HDGFL3: variants seen among roughly 807,000 people sequenced by gnomAD.
HDGFL3 encodes the protein hepatoma-derived growth factor-related protein 3.
In HDGFL3, 6 loss-of-function variants were observed where a neutral mutation model predicts 27.6. The ratio of observed to expected loss-of-function variants is 0.22; its 90% CI spans 0.12 to 0.43. The LOEUF (loss-of-function observed/expected upper bound fraction) is 0.43. HDGFL3 is among the 20% of genes least tolerant of loss of function. The probability of loss-of-function intolerance (pLI) is 1.00; values close to 1 mark genes in which losing one functional copy is unlikely to be tolerated. For synonymous variants in HDGFL3, 88 were observed against 88.9 expected, an observed-to-expected ratio of 0.99 and a Z score of 0.05; for missense variants, 207 against 250.1, an observed-to-expected ratio of 0.83 and a Z score of 1.16.
At chr15:83,115,201 T>TTG in exon 4 of HDGFL3, 1 of 165,718 alleles carries the variant, frequency 6.0e-6, no homozygotes, top group Non-Finnish European at 1.3e-5. Flanking sequence ...CACTGCAACC[T>TTG]CCGCCTCCTG....
At position 83,136,414 on chromosome 15, in the gene HDGFL3, G is replaced by C; in HGVS notation, c.*2856C>G. 3 of 1,420,752 alleles carry C rather than the reference G, an allele frequency of 2.1e-6. No individual in the cohort carries two copies. The highest frequency in any genetic ancestry group is 2.9e-6 in the Non-Finnish European group (3 of 1,052,044). 88.0% of individuals were successfully genotyped at this position (1,420,752 alleles called of 1,614,324 possible). A position where few individuals can be genotyped will look rare whatever the true frequency, so the allele number is the denominator to read the frequency against. Reference sequence around the variant, plus strand: ...AAACGTAGCCTGAATGAACCATTCAGAACTCATCATGCATCCAACTGAACA... The same window carrying C: ...AAACGTAGCCTGAATGAACCATTCACAACTCATCATGCATCCAACTGAACA... On this transcript the variant is annotated 3_prime_UTR_variant, in exon 6 of 6. Coordinates refer to ENST00000299633, the MANE Select transcript of HDGFL3 (RefSeq NM_016073.4).
rs184103266 is a variant in HDGFL3, at chr15:83,136,977, C to T, written c.*2293G>A. 5 of 199,792 alleles carry T rather than the reference C, an allele frequency of 2.5e-5. No individual in the cohort carries two copies. In the Admixed American group the frequency reaches 2.7e-4, roughly 11 times the overall value. The allele number at this position is 199,792 out of a possible 1,614,324, so 12.4% of individuals were successfully genotyped here. A position where few individuals can be genotyped will look rare whatever the true frequency, so the allele number is the denominator to read the frequency against. Reference sequence around the variant, plus strand: ...AGTGTAAAAAATTACAATTTAGTGCCAACAGTAGTGAGCATGAAATGAAAC... The same window carrying T: ...AGTGTAAAAAATTACAATTTAGTGCTAACAGTAGTGAGCATGAAATGAAAC... On this transcript the variant is annotated 3_prime_UTR_variant, in exon 6 of 6. Transcript: ENST00000299633.
In HDGFL3 at chr15:83,157,892, T is replaced by C. The variant is rs749293847; in HGVS notation, c.300+11A>G. 19 of 1,608,970 alleles carry C rather than the reference T, an allele frequency of 1.2e-5. No homozygotes were observed. The South Asian group carries it at 1.9e-4, about 16-fold the overall frequency. ...TGAGATATAGCAAGTGACAAGGAAG[T>C]AAACCATTACCTGGTAGCCAGTAAA... On this transcript the variant is annotated intron_variant, in intron 3 of 5. Transcript: ENST00000299633.
rs2036635818 is a variant in HDGFL3 at position 83,136,664 on chromosome 15, G to A, written c.*2606C>T. On this transcript the variant is annotated 3_prime_UTR_variant, in exon 6 of 6. Coordinates refer to ENST00000299633, the MANE Select transcript of HDGFL3 (RefSeq NM_016073.4). ...CATAAAAACAAAGGCAGAAGAAAAA[G>A]TGGAATAAAAATATTACTTCATGTT... is the stretch of plus-strand genomic sequence containing the variant. 1 of 1,592,406 alleles carries A rather than the reference G, an allele frequency of 6.3e-7. No homozygotes were observed. Among genetic ancestry groups the A allele is most frequent in the Non-Finnish European group, 8.5e-7 (1 of 1,174,360 alleles).
intron 1 of HDGFL3, among the ~76,000 whole-genome samples, chr15:83,197,653 T>A (rs1488698024): frequency 6.6e-6 from 1 of 152,196 alleles, no homozygotes; most frequent in African/African-American, 2.4e-5. Flanking sequence ...CTCCACAGTC[T>A]AGTCCCACAA....
chr15:83,195,925 T>C (rs758974929), intron 1 of HDGFL3, among the ~76,000 whole-genome samples: 8 of 152,014 alleles, frequency 5.3e-5, no homozygotes, highest in Non-Finnish European at 1.0e-4. Flanking sequence ...ACAAAACTAA[T>C]ATCCAACGAA....
intron 1 of HDGFL3, among the ~76,000 whole-genome samples, chr15:83,200,853 AT>A (rs991525600): frequency 9.5e-6 from 1 of 104,992 alleles, no homozygotes; most frequent in African/African-American, 3.8e-5. Context: ...AGATTACTTT[AT>A]TCTTTTTTTT....
At position 83,133,904 on chromosome 15, in the gene HDGFL3, A is replaced by G. The variant is rs943767827; in HGVS notation, c.*5366T>C. 2 of 152,278 alleles carry G rather than the reference A, an allele frequency of 1.3e-5. No homozygotes were observed. The highest frequency in any genetic ancestry group is 2.9e-5 in the Non-Finnish European group (2 of 68,078). The allele number at this position is 152,278 out of a possible 1,614,324, so 9.4% of individuals were successfully genotyped here. A position where few individuals can be genotyped will look rare whatever the true frequency, so the allele number is the denominator to read the frequency against. ...TCACTCAGCTGGAAGTGTGGCCACC[A>G]TAAGTACATCCATTAGGACTATGAG... On this transcript the variant is annotated 3_prime_UTR_variant, in exon 6 of 6. Coordinates refer to ENST00000299633, the MANE Select transcript of HDGFL3 (RefSeq NM_016073.4).
At chr15:83,178,686 ACTT>A (rs2037343872) in intron 1 of HDGFL3, among the ~76,000 whole-genome samples, 1 of 152,098 alleles carries the variant, frequency 6.6e-6, no homozygotes, top group East Asian at 1.9e-4. Flanking sequence ...AAAGTTCCTC[ACTT>A]CTCATAGAGC....
At chr15:83,202,124 A>G (rs537762272) in intron 1 of HDGFL3, among the ~76,000 whole-genome samples, 8 of 152,290 alleles carry the variant, frequency 5.3e-5, no homozygotes, top group Admixed American at 2.0e-4. Flanking sequence ...GAAAAGGAAG[A>G]TTCCCAACAA....
At chr15:83,151,909 A>G (rs2036968235) in intron 4 of HDGFL3, among the ~76,000 whole-genome samples, 1 of 152,232 alleles carries the variant, frequency 6.6e-6, no homozygotes, top group African/African-American at 2.4e-5. Flanking sequence ...ATTGTGGAGC[A>G]TTATTTAAGA....
rs2036175911 is a variant in HDGFL3 at position 83,130,785 on chromosome 15, C to T, written c.*8485G>A. 6.6e-6 allele frequency: 1 copy of T among 152,204 alleles called. No individual in the cohort carries two copies. Among genetic ancestry groups the T allele is most frequent in the Admixed American group, 6.5e-5 (1 of 15,272 alleles). The allele number at this position is 152,204 out of a possible 1,614,324, so 9.4% of individuals were successfully genotyped here. ...TCTCATCTTATGGGAGTATCTGACA[C>T]ATTCATCACAGAAAGCACTCTCCAG... On this transcript the variant is annotated 3_prime_UTR_variant, in exon 6 of 6. Transcript: ENST00000299633.
At chr15:83,142,304 G>A (rs1199958902) in intron 5 of HDGFL3, among the ~76,000 whole-genome samples, 1 of 152,148 alleles carries the variant, frequency 6.6e-6, no homozygotes, top group Non-Finnish European at 1.5e-5. Flanking sequence ...ATTGGATAAA[G>A]AAAATGTGGT....
chr15:83,126,969 G>A (rs1032505526), downstream of HDGFL3: 14 of 711,516 alleles, frequency 2.0e-5, no homozygotes, highest in Admixed American at 3.5e-4. Flanking sequence ...GAGGCAGGTT[G>A]ATCACGAGGT....
At chr15:83,167,936 GAC>G (rs2037193755) in intron 1 of HDGFL3, among the ~76,000 whole-genome samples, 1 of 151,838 alleles carries the variant, frequency 6.6e-6, no homozygotes, top group Non-Finnish European at 1.5e-5. Context: ...AAAAATAAAA[GAC>G]AAAAAATCAT....
intron 4 of HDGFL3, among the ~76,000 whole-genome samples, chr15:83,152,818 C>A (rs1242158067): frequency 6.6e-6 from 1 of 151,638 alleles, no homozygotes; most frequent in Non-Finnish European, 1.5e-5. Context: ...GTGATTTTTA[C>A]TTTTTACATG....
At chr15:83,124,997 G>T (rs1377243448), downstream of HDGFL3, among the ~76,000 whole-genome samples, 1 of 152,120 alleles carries the variant, frequency 6.6e-6, no homozygotes, top group Non-Finnish European at 1.5e-5. Context: ...GCTCTACTCA[G>T]AAGCATCTTC....
chr15:83,199,224 G>T (rs1188589624), intron 1 of HDGFL3, among the ~76,000 whole-genome samples: 2 of 152,072 alleles, frequency 1.3e-5, no homozygotes, highest in Non-Finnish European at 2.9e-5. Flanking sequence ...TCAACATATG[G>T]TAACTCTAAA....
At chr15:83,202,555 A>G (rs900570494) in intron 1 of HDGFL3, among the ~76,000 whole-genome samples, 6 of 152,124 alleles carry the variant, frequency 3.9e-5, no homozygotes, top group African/African-American at 1.4e-4. Flanking sequence ...ACTCGAAGGA[A>G]AAAAAACAAC....
Sources: gnomAD v4.1 joint callset for allele counts (sites outside exome capture counted in the v4.1 genomes callset) on GRCh38, gnomAD v4.1.1 for gene constraint, MANE v1.5 for transcripts, NCBI Gene and HGNC (gene_info 2026-07-23, HGNC 2026-07-21) for gene names.